Variants in ABR observed in about 807,000 individuals in gnomAD.
ABR encodes ABR activator of RhoGEF and GTPase.
ABR carries 35 observed loss-of-function variants against 107.2 expected under a neutral mutation model. The observed-to-expected ratio is 0.33, with a 90% CI of 0.25 to 0.43. ABR has a LOEUF of 0.43. Among genes scored for constraint, ABR ranks in the 20% least tolerant of loss-of-function variants. ABR has a pLI of 1.00. For synonymous variants in ABR, 498 were observed against 462.0 expected, an observed-to-expected ratio of 1.08 and a Z score of -1.00; for missense variants, 815 against 1,115.2, an observed-to-expected ratio of 0.73 and a Z score of 3.83.
intron 1 of ABR, among the ~76,000 whole-genome samples, chr17:1,133,295 G>A (rs1163528674): frequency 1.3e-5 from 2 of 151,676 alleles, no homozygotes; most frequent in African/African-American, 4.8e-5. Flanking sequence ...CTGGTAACTG[G>A]TATCAAAAGG....
At chr17:1,173,281 C>T (rs35934564) in intron 1 of ABR, among the ~76,000 whole-genome samples, 620 of 44,738 alleles carry the variant, frequency 0.014, 11 homozygotes, top group Middle Eastern at 0.043. Flanking sequence ...ATCACCTCAG[C>T]CCACCCAACA....
intron 6 of ABR, among the ~76,000 whole-genome samples, chr17:1,076,719 G>C (rs11653390): frequency 0.44 from 55,535 of 125,714 alleles, 14,169 homozygotes; most frequent in Middle Eastern, 0.52. Flanking sequence ...GTGCACGGGG[G>C]GGGTGGGGGT....
intron 1 of ABR, among the ~76,000 whole-genome samples, chr17:1,162,490 C>T (rs148789329): frequency 4.9e-3 from 749 of 152,366 alleles, no homozygotes; most frequent in Admixed American, 8.8e-3. Context: ...CCACTGTGGG[C>T]CACCCGGGCT....
chr17:1,116,828 G>A (rs569531739), intron 2 of ABR, among the ~76,000 whole-genome samples: 10 of 152,206 alleles, frequency 6.6e-5, no homozygotes, highest in Non-Finnish European at 1.5e-4. Context: ...TCCAGCTCGT[G>A]TCCTTCTCTT....
chr17:1,018,743 T>C (rs759207472), intron 16 of ABR, among the ~76,000 whole-genome samples: 5 of 152,328 alleles, frequency 3.3e-5, no homozygotes, highest in South Asian at 2.1e-4. Flanking sequence ...AGGGCTGTTA[T>C]GGAAGAGTGA....
At chr17:1,109,005 G>A in intron 2 of ABR, 2 of 1,598,494 alleles carry the variant, frequency 1.3e-6, no homozygotes, top group Non-Finnish European at 1.7e-6. Context: ...TCCTCCAGGA[G>A]AAACACATCT....
intron 2 of ABR, among the ~76,000 whole-genome samples, chr17:1,115,998 G>A (rs12951382): frequency 0.11 from 16,483 of 151,622 alleles, 989 homozygotes; most frequent in Middle Eastern, 0.17. Context: ...AGGCCGAGGC[G>A]GGCGGATCAC....
At chr17:1,069,230 G>A (rs767130005) in intron 9 of ABR, among the ~76,000 whole-genome samples, 1 of 152,112 alleles carries the variant, frequency 6.6e-6, no homozygotes, top group African/African-American at 2.4e-5. Flanking sequence ...GAAGCAGCGC[G>A]GCAGGAGTCG....
chr17:1,166,094 G>A (rs918248216), intron 1 of ABR, among the ~76,000 whole-genome samples: 9 of 147,104 alleles, frequency 6.1e-5, no homozygotes, highest in African/African-American at 9.9e-5. Flanking sequence ...CCTCCCCAGC[G>A]TGGTCCCACC....
chr17:1,176,544 G>T (rs942276542), intron 1 of ABR, among the ~76,000 whole-genome samples: 7 of 152,150 alleles, frequency 4.6e-5, no homozygotes, highest in African/African-American at 7.2e-5. Context: ...GGAGAGAATG[G>T]ATAGAAAGTG....
rs1373399424 is a variant in ABR, at chr17:1,172,395, C to G, written c.61+7272G>C. On this transcript the variant is annotated intron_variant, in intron 1 of 22. Coordinates refer to ENST00000302538, the MANE Select transcript of ABR (RefSeq NM_021962.5). Reference sequence around the variant, plus strand: ...CCTCAAGCTTCAGGGACCAGTGGAACATTCCCGCTGCTCCCAGCAGCGTCA... The same window carrying G: ...CCTCAAGCTTCAGGGACCAGTGGAAGATTCCCGCTGCTCCCAGCAGCGTCA... 2.6e-5 allele frequency among the ~76,000 whole-genome samples: 4 copies of G among 152,308 alleles called. No homozygotes were observed. The East Asian group carries it at 7.7e-4, about 29-fold the overall frequency.
At chr17:1,009,605 G>T in intron 21 of ABR, 74 bp downstream of exon 21, 5 of 1,313,286 alleles carry the variant, frequency 3.8e-6, no homozygotes, top group Non-Finnish European at 5.5e-6. Context: ...TGAGGAGGTG[G>T]GGTTGGGGCC....
intron 2 of ABR, among the ~76,000 whole-genome samples, chr17:1,106,494 T>G (rs1037414779): frequency 2.6e-5 from 4 of 151,206 alleles, no homozygotes; most frequent in Admixed American, 1.3e-4. Context: ...TCCCCTGAAT[T>G]TGGTGCCCTT....
chr17:1,198,981 GA>G (rs2042622034), intron 1 of ABR, among the ~76,000 whole-genome samples: 1 of 148,554 alleles, frequency 6.7e-6, no homozygotes, highest in African/African-American at 2.5e-5. Flanking sequence ...TTGAACCTGG[GA>G]GGCAGAGGTT....
At chr17:1,025,921 G>A (rs2072158174) in intron 16 of ABR, among the ~76,000 whole-genome samples, 1 of 152,176 alleles carries the variant, frequency 6.6e-6, no homozygotes, top group African/African-American at 2.4e-5. Flanking sequence ...ACTGGGGCAT[G>A]GGGGAAGGAG....
At chr17:1,160,883 T>C (rs2041261650) in intron 1 of ABR, among the ~76,000 whole-genome samples, 2 of 152,218 alleles carry the variant, frequency 1.3e-5, no homozygotes, top group African/African-American at 2.4e-5. Context: ...TACGGAAATC[T>C]CCCAAGGTGG....
intron 1 of ABR, among the ~76,000 whole-genome samples, chr17:1,155,611 T>C (rs1490404993): frequency 1.3e-5 from 2 of 152,010 alleles, no homozygotes; most frequent in Non-Finnish European, 2.9e-5. Flanking sequence ...GAAAAGACAA[T>C]GTGCAGAGGG....
chr17:1,133,218 G>A (rs2039921666), intron 1 of ABR, among the ~76,000 whole-genome samples: 1 of 150,676 alleles, frequency 6.6e-6, no homozygotes, highest in Admixed American at 6.7e-5. Context: ...CTCCAGCCTT[G>A]GCAGCAAGAG....
intron 1 of ABR, chr17:1,228,758 G>A (rs1290711768): frequency 6.6e-6 from 1 of 151,824 alleles, no homozygotes; most frequent in Non-Finnish European, 1.5e-5. Flanking sequence ...GGGGGCGCGC[G>A]GCGGGGTCGA....
Sources: allele counts gnomAD v4.1 joint callset (sites outside exome capture counted in the v4.1 genomes callset), GRCh38; gene constraint gnomAD v4.1.1; transcripts MANE v1.5; gene names NCBI Gene and HGNC (gene_info 2026-07-23, HGNC 2026-07-21).